Variants in JAML observed in about 807,000 individuals in gnomAD.
The protein encoded by JAML is junction adhesion molecule like, also known as junctional adhesion molecule-like.
A neutral mutation model predicts 39.3 loss-of-function variants in JAML; 25 were observed. That is an observed-to-expected ratio of 0.64 (90% CI 0.46 to 0.89). The LOEUF (loss-of-function observed/expected upper bound fraction) is 0.89, where lower values mean the gene tolerates loss of function less well. Among genes scored for constraint, JAML ranks in the 40% least tolerant of loss-of-function variants. The pLI, the probability that JAML is intolerant of heterozygous loss-of-function variation, is 0.00. For missense variants in JAML, 440 were observed against 486.9 expected, an observed-to-expected ratio of 0.90 and a Z score of 0.91; for synonymous variants, 162 against 179.2, an observed-to-expected ratio of 0.90 and a Z score of 0.77.
chr11:118,200,201 G>A (rs1020576925), intron 7 of JAML, among the ~76,000 whole-genome samples: 6 of 152,142 alleles, frequency 3.9e-5, no homozygotes, highest in South Asian at 2.1e-4. Context: ...TAAGATTTAT[G>A]CTCTGAATTA....
chr11:118,221,543 C>G (rs1255946994), intron 1 of JAML, among the ~76,000 whole-genome samples: 3 of 152,182 alleles, frequency 2.0e-5, no homozygotes, highest in Admixed American at 2.0e-4. Flanking sequence ...AATCTAATAC[C>G]CTCGCTGATC....
In JAML at chr11:118,218,130, G is replaced by A. The variant is rs140965784; in HGVS notation, c.-20-3244C>T. Reference sequence around the variant, plus strand: ...TATTTTGAGATGGAGTTTCAGTCTTGTTGCCCAGGCTGGAGTGCAATGGCA... The same window carrying A: ...TATTTTGAGATGGAGTTTCAGTCTTATTGCCCAGGCTGGAGTGCAATGGCA... On this transcript the variant is annotated intron_variant, in intron 1 of 9. Coordinates refer to ENST00000356289, the MANE Select transcript of JAML (RefSeq NM_001098526.2). Among the ~76,000 whole-genome samples, 410 of 152,198 alleles carry A rather than the reference G, an allele frequency of 2.7e-3. 1 individual carries two copies. Among genetic ancestry groups the A allele is most frequent in the African/African-American group, 9.3e-3 (387 of 41,528 alleles).
chr11:118,212,740 T>A (rs565882552), intron 2 of JAML, 179 bp from the exon 3 acceptor site: 1 of 1,532,622 alleles, frequency 6.5e-7, no homozygotes, highest in Non-Finnish European at 8.8e-7. Flanking sequence ...CCTATATGGC[T>A]CATCAGAAGG....
chr11:118,194,822 A>G (rs1948620026), intron 9 of JAML, among the ~76,000 whole-genome samples: 1 of 152,250 alleles, frequency 6.6e-6, no homozygotes, highest in South Asian at 2.1e-4. Flanking sequence ...TCCCTATCAG[A>G]GAACACCTTT....
chr11:118,203,955 A>G (rs572349672), intron 5 of JAML: 1 of 372,294 alleles, frequency 2.7e-6, no homozygotes, highest in Non-Finnish European at 5.1e-6. Context: ...AAGCAAAAGT[A>G]TACTTTTATT....
At chr11:118,197,331 C>G (rs918682757) in intron 8 of JAML, 1 of 152,492 alleles carries the variant, frequency 6.6e-6, no homozygotes, top group Non-Finnish European at 1.5e-5. Flanking sequence ...AAATCCTACT[C>G]TTGGGACAAA....
At position 118,194,330 on chromosome 11, in the gene JAML, A is replaced by G. The variant is rs1170974936; in HGVS notation, c.1180T>C (p.Phe394Leu). The G allele has an allele frequency of 6.2e-7, 1 of 1,610,862 alleles. No individual in the cohort carries two copies. The highest frequency in any genetic ancestry group is 2.2e-5 in the East Asian group (1 of 44,602). ...GAAGGGACTCTCCATTCTTCTCAAA[A>G]GGCTTGCTGTGTTTTTGGCATTCCC... Reference protein sequence around the residue: ...GGGMPKTQQAF With the variant: ...GGGMPKTQQAL The change falls in exon 10 of 10, where the codon TTT (phenylalanine) becomes CTT (leucine). Residue 394 changes from phenylalanine (F) to leucine (L), a missense_variant. By Grantham distance (22) the Phe-to-Leu change is conservative. Coordinates refer to ENST00000356289, the MANE Select transcript of JAML (RefSeq NM_001098526.2).
At position 118,200,459 on chromosome 11, in the gene JAML, G is replaced by A. The variant is rs1360669069; in HGVS notation, c.911+15C>T. The A allele has an allele frequency of 6.2e-7, 1 of 1,613,576 alleles. No individual in the cohort carries two copies. The highest frequency in any genetic ancestry group is 1.1e-5 in the South Asian group (1 of 91,066). On this transcript the variant is annotated intron_variant, in intron 7 of 9. Coordinates refer to ENST00000356289, the MANE Select transcript of JAML (RefSeq NM_001098526.2). ...CCCCAGCCTCCCAATCCAAGGGGTG[G>A]GGGTAGCCCTGTACCTCTTATTTCC... is the stretch of plus-strand genomic sequence containing the variant.
chr11:118,210,446 C>A (rs770846369), intron 4 of JAML, 41 bp downstream of exon 4: 1 of 1,599,994 alleles, frequency 6.3e-7, no homozygotes, highest in Non-Finnish European at 8.5e-7. Context: ...CACATGAAAG[C>A]TCTTGCCCCT....
chr11:118,224,237 A>G (rs1949238329), intron 1 of JAML: 1 of 152,234 alleles, frequency 6.6e-6, no homozygotes, highest in Non-Finnish European at 1.5e-5. Context: ...GGGACCCTGG[A>G]GGTCCTTACT....
In JAML at chr11:118,217,489, T is replaced by C. The variant is rs114499242; in HGVS notation, c.-20-2603A>G. 5.9e-3 allele frequency among the ~76,000 whole-genome samples: 900 copies of C among 152,348 alleles called. 9 individuals are homozygous for C. Among genetic ancestry groups the C allele is most frequent in the African/African-American group, 0.021 (859 of 41,586 alleles). On this transcript the variant is annotated intron_variant, in intron 1 of 9. Transcript: ENST00000356289. Reference sequence around the variant, plus strand: ...TCCGTGAAGACAGAAGCAATGATTTTAGCGGAAAAATTACTAAAAGTTTTT... The same window carrying C: ...TCCGTGAAGACAGAAGCAATGATTTCAGCGGAAAAATTACTAAAAGTTTTT...
intron 6 of JAML, chr11:118,202,865 C>G: frequency 2.3e-6 from 1 of 437,748 alleles, no homozygotes; most frequent in Admixed American, 2.4e-5. Context: ...CACTTATCAA[C>G]CTCTCTCTGT....
chr11:118,218,775 CAT>C (rs1298814629), intron 1 of JAML, among the ~76,000 whole-genome samples: 1 of 151,966 alleles, frequency 6.6e-6, no homozygotes, highest in East Asian at 1.9e-4. Context: ...ATTCTGGTTG[CAT>C]ATGTAGATGA....
At chr11:118,206,418 T>C (rs1350664889) in intron 4 of JAML, among the ~76,000 whole-genome samples, 2 of 152,228 alleles carry the variant, frequency 1.3e-5, no homozygotes, top group South Asian at 4.1e-4. Context: ...CCCTACTTTA[T>C]GTTCATCATC....
chr11:118,221,167 A>G (rs563806858), intron 1 of JAML, among the ~76,000 whole-genome samples: 46 of 152,350 alleles, frequency 3.0e-4, no homozygotes, highest in African/African-American at 1.1e-3. Flanking sequence ...ACACCATTAA[A>G]AGGAAAAGGC....
chr11:118,200,523 G>T lies in JAML; in HGVS notation c.862C>A (p.Leu288Met). The change falls in exon 7 of 10, where the codon CTG (leucine) becomes ATG (methionine). Residue 288 changes from leucine (L) to methionine (M), a missense_variant. Physicochemically the swap from Leu to Met is conservative, Grantham distance 15. Transcript: ENST00000356289. ...ACGATCAATATCAGAACAGGGAGCA[G>T]CAGGATTGTGGCACAGACAATTCCC... ...IVGIVCATIL[L>M]LPVLILIVKK... 3 of 1,614,134 alleles carry T rather than the reference G, an allele frequency of 1.9e-6. No individual in the cohort carries two copies. The highest frequency in any genetic ancestry group is 2.5e-6 in the Non-Finnish European group (3 of 1,180,010).
intron 5 of JAML, chr11:118,205,077 A>T (rs1948889789): frequency 6.6e-6 from 1 of 152,232 alleles, no homozygotes; most frequent in Non-Finnish European, 1.5e-5. Flanking sequence ...ACCTGGGACC[A>T]GATGTAATTC....
intron 6 of JAML, 164 bp downstream of exon 6, chr11:118,203,264 C>G (rs1186498776): frequency 1.3e-6 from 1 of 764,064 alleles, no homozygotes; most frequent in Non-Finnish European, 2.3e-6. Context: ...GGAGCCACCT[C>G]TAAGGAGGCA....
rs112491347 is a variant in JAML at position 118,194,198 on chromosome 11, T to C, written c.*127A>G. Reference sequence around the variant, plus strand: ...CTCCAAATTCTCCATCTTCAGTGTATTGACCAAACAATGAGACAGGAGGAC... The same window carrying C: ...CTCCAAATTCTCCATCTTCAGTGTACTGACCAAACAATGAGACAGGAGGAC... On this transcript the variant is annotated 3_prime_UTR_variant, in exon 10 of 10. Coordinates refer to ENST00000356289, the MANE Select transcript of JAML (RefSeq NM_001098526.2). 1.7e-4 allele frequency: 142 copies of C among 817,780 alleles called. No individual in the cohort carries two copies. In the African/African-American group the frequency reaches 2.0e-3, roughly 11 times the overall value. The allele number at this position is 817,780 out of a possible 1,614,324, so 50.7% of individuals were successfully genotyped here.
Sources: allele counts gnomAD v4.1 joint callset (sites outside exome capture counted in the v4.1 genomes callset), GRCh38; gene constraint gnomAD v4.1.1; transcripts MANE v1.5; gene names NCBI Gene and HGNC (gene_info 2026-07-23, HGNC 2026-07-21).